The following PNPLA8 variants were observed in gnomAD, a reference collection of about 807,000 sequenced individuals.
The protein encoded by PNPLA8 is calcium-independent phospholipase A2-gamma.
In PNPLA8, 39 loss-of-function variants were observed where a neutral mutation model predicts 76.9. The ratio of observed to expected loss-of-function variants is 0.51; its 90% CI spans 0.39 to 0.66. PNPLA8 has a LOEUF of 0.66. PNPLA8 is among the 30% of genes least tolerant of loss of function. The pLI is 0.00. For synonymous variants in PNPLA8, 301 were observed against 307.9 expected (o/e 0.98, Z 0.24); for missense variants, 887 against 918.0 (o/e 0.97, Z 0.44).
Position 108,472,063 on chromosome 7 carries a change from G to A in PNPLA8, c.*338C>T, listed in dbSNP as rs1420228046. 5.9e-6 allele frequency: 1 copy of A among 168,376 alleles called. No individual in the cohort carries two copies. The highest frequency in any genetic ancestry group is 6.3e-5 in the Admixed American group (1 of 15,920). The allele number at this position is 168,376 out of a possible 1,614,324, so 10.4% of individuals were successfully genotyped here. A position where few individuals can be genotyped will look rare whatever the true frequency, so the allele number is the denominator to read the frequency against. On this transcript the variant is annotated 3_prime_UTR_variant, in exon 11 of 11. Coordinates refer to ENST00000257694, the MANE Select transcript of PNPLA8 (RefSeq NM_001256007.3). Reference sequence around the variant, plus strand: ...ATGAGGACTAAAGTAAAAATACACAGTACAATATAGCTTTCGGTTTCTTGT... The same window carrying A: ...ATGAGGACTAAAGTAAAAATACACAATACAATATAGCTTTCGGTTTCTTGT...
intron 5 of PNPLA8, among the ~76,000 whole-genome samples, chr7:108,499,477 A>G (rs1037195030): frequency 2.0e-5 from 3 of 152,190 alleles, no homozygotes; most frequent in African/African-American, 7.2e-5. Flanking sequence ...TGCTTTCCGC[A>G]CAAACCTCCC....
At chr7:108,506,987 T>C (rs911142315) in intron 4 of PNPLA8, among the ~76,000 whole-genome samples, 1 of 152,154 alleles carries the variant, frequency 6.6e-6, no homozygotes, top group Non-Finnish European at 1.5e-5. Flanking sequence ...AAAGGATGTA[T>C]GAATCCTTGT....
At chr7:108,490,732 C>G (rs1861100510) in intron 8 of PNPLA8, among the ~76,000 whole-genome samples, 1 of 149,526 alleles carries the variant, frequency 6.7e-6, no homozygotes, top group South Asian at 2.1e-4. Context: ...TGCAGTGAGC[C>G]GAGATTGTGC....
At chr7:108,493,014 G>A (rs1444986981) in intron 7 of PNPLA8, among the ~76,000 whole-genome samples, 1 of 152,168 alleles carries the variant, frequency 6.6e-6, no homozygotes, top group Non-Finnish European at 1.5e-5. Flanking sequence ...GGAGAGAGAG[G>A]CTTCCCAGGC....
At chr7:108,487,326 G>C (rs1466311637) in intron 9 of PNPLA8, among the ~76,000 whole-genome samples, 1 of 152,166 alleles carries the variant, frequency 6.6e-6, no homozygotes, top group Non-Finnish European at 1.5e-5. Flanking sequence ...CACTAAATAA[G>C]TGTCTGGCAC....
intron 7 of PNPLA8, among the ~76,000 whole-genome samples, chr7:108,493,568 CTTTTTTTTTTT>C (rs34935118): frequency 9.9e-5 from 8 of 81,210 alleles, no homozygotes; most frequent in Non-Finnish European, 1.4e-4. Flanking sequence ...CCATGCCTGG[CTTTTTTTTTTT>C]TTTTTTTTTT....
chr7:108,482,907 C>T (rs1461883049), intron 9 of PNPLA8, among the ~76,000 whole-genome samples: 1 of 152,124 alleles, frequency 6.6e-6, no homozygotes, highest in Non-Finnish European at 1.5e-5. Flanking sequence ...GCTTAAAGGT[C>T]CCATTAAGAA....
At chr7:108,480,044 A>G (rs1860286450) in intron 9 of PNPLA8, among the ~76,000 whole-genome samples, 2 of 152,186 alleles carry the variant, frequency 1.3e-5, no homozygotes, top group South Asian at 2.1e-4. Context: ...AAAATATATT[A>G]CATCATAAAC....
intron 10 of PNPLA8, among the ~76,000 whole-genome samples, chr7:108,475,177 A>T (rs1279766570): frequency 6.6e-6 from 1 of 152,136 alleles, no homozygotes; most frequent in Non-Finnish European, 1.5e-5. Flanking sequence ...AGATAAGACC[A>T]TCTAGTTGGA....
chr7:108,514,916 G>A lies in PNPLA8; in HGVS notation c.576C>T (p.Tyr192=), dbSNP rs1863206257. The A allele has an allele frequency of 1.2e-6, 2 of 1,608,664 alleles. No homozygotes were observed. Among genetic ancestry groups the A allele is most frequent in the South Asian group, 1.1e-5 (1 of 90,296 alleles). The change falls in exon 3 of 11, where the codon TAC becomes TAT. Residue 192 remains tyrosine (Y), a synonymous_variant. Coordinates refer to ENST00000257694, the MANE Select transcript of PNPLA8 (RefSeq NM_001256007.3). ...EDIGKRSLFH[Y]TSSITTKFGD... ...CAAATTTTGTGGTTATAGAACTTGT[G>A]TAATGAAAAAGACTGCGTTTACCTA...
Position 108,479,398 on chromosome 7 carries a change from A to G in PNPLA8, c.1879-19T>C. The G allele has an allele frequency of 1.3e-6, 2 of 1,568,576 alleles. No individual in the cohort carries two copies. Among genetic ancestry groups the G allele is most frequent in the Non-Finnish European group, 1.7e-6 (2 of 1,150,692 alleles). On this transcript the variant is annotated intron_variant, in intron 9 of 10. Transcript: ENST00000257694. ...CTCCATCCTGCAAAATACAAGTTAA[A>G]AAAAGAAACTTTTAAAACTGACTCA...
intron 9 of PNPLA8, among the ~76,000 whole-genome samples, chr7:108,487,416 A>G (rs1274294993): frequency 1.3e-5 from 2 of 152,154 alleles, no homozygotes; most frequent in Non-Finnish European, 2.9e-5. Context: ...TGTCAAGCAG[A>G]CTGGGTTCTG....
intron 1 of PNPLA8, among the ~76,000 whole-genome samples, chr7:108,525,203 T>C (rs1376155391): frequency 1.3e-5 from 2 of 152,262 alleles, no homozygotes; most frequent in African/African-American, 2.4e-5. Context: ...ATGGGCTTGA[T>C]ACAACTGCCT....
chr7:108,477,377 T>C (rs941661895), intron 10 of PNPLA8, among the ~76,000 whole-genome samples: 5 of 152,212 alleles, frequency 3.3e-5, no homozygotes, highest in African/African-American at 1.2e-4. Flanking sequence ...TTTTTGGTTT[T>C]CATTCAATGA....
rs1307355354 is a variant in PNPLA8 at position 108,470,681 on chromosome 7, T to A, written c.*1720A>T. ...TTTACAAGTTGTTCTTAGTTGCATGTTATTATGTATTATTTGTGGTCTGAA... is the reference window on the plus strand; with the variant it reads ...TTTACAAGTTGTTCTTAGTTGCATGATATTATGTATTATTTGTGGTCTGAA... On this transcript the variant is annotated 3_prime_UTR_variant, in exon 11 of 11. Coordinates refer to ENST00000257694, the MANE Select transcript of PNPLA8 (RefSeq NM_001256007.3). 6.6e-6 allele frequency: 1 copy of A among 152,200 alleles called. No individual in the cohort carries two copies. The highest frequency in any genetic ancestry group is 1.5e-5 in the Non-Finnish European group (1 of 68,032). 9.4% of individuals were successfully genotyped at this position (152,200 alleles called of 1,614,324 possible).
At position 108,471,028 on chromosome 7, in the gene PNPLA8, C is replaced by T. The variant is rs544977543; in HGVS notation, c.*1373G>A. ...GTTTGTATGTCTAAAACAAGGGGCG[C>T]TAACCTTTGTTTCATTTTTCTTAAG... On this transcript the variant is annotated 3_prime_UTR_variant, in exon 11 of 11. Coordinates refer to ENST00000257694, the MANE Select transcript of PNPLA8 (RefSeq NM_001256007.3). 4.6e-5 allele frequency: 7 copies of T among 152,200 alleles called. No homozygotes were observed. In the South Asian group the frequency reaches 1.2e-3, roughly 27 times the overall value. The allele number at this position is 152,200 out of a possible 1,614,324, so 9.4% of individuals were successfully genotyped here. A position where few individuals can be genotyped will look rare whatever the true frequency, so the allele number is the denominator to read the frequency against.
At chr7:108,484,756 A>G (rs964255854) in intron 9 of PNPLA8, among the ~76,000 whole-genome samples, 2 of 152,180 alleles carry the variant, frequency 1.3e-5, no homozygotes, top group Admixed American at 6.6e-5. Flanking sequence ...ACCTCATTCT[A>G]TAACTGGGTT....
At chr7:108,482,813 C>A (rs34887057) in intron 9 of PNPLA8, among the ~76,000 whole-genome samples, 42,492 of 152,004 alleles carry the variant, frequency 0.28, 6,275 homozygotes, top group African/African-American at 0.32. Flanking sequence ...TCCAATTATT[C>A]TTTGCTTGTA....
At chr7:108,496,809 G>GA (rs11448779) in intron 6 of PNPLA8, 54 bp from the exon 7 acceptor site, 808,404 of 1,327,584 alleles carry the variant, frequency 0.61, 249,576 homozygotes, top group African/African-American at 0.78. Context: ...CCCTTATGAT[G>GA]TAAGATTTCC....
Sources: gnomAD v4.1 joint callset for allele counts (sites outside exome capture counted in the v4.1 genomes callset) on GRCh38, gnomAD v4.1.1 for gene constraint, MANE v1.5 for transcripts, NCBI Gene and HGNC (gene_info 2026-07-23, HGNC 2026-07-21) for gene names.